PTPRE: variants seen among roughly 807,000 people sequenced by gnomAD.
PTPRE encodes the protein protein tyrosine phosphatase receptor type E.
A neutral mutation model predicts 102.0 loss-of-function variants in PTPRE; 51 were observed. The ratio of observed to expected loss-of-function variants is 0.50; its 90% CI spans 0.40 to 0.63. The LOEUF is 0.63. PTPRE is among the 30% of genes least tolerant of loss of function. PTPRE has a pLI of 0.00. For missense variants in PTPRE, 752 were observed against 915.1 expected, an observed-to-expected ratio of 0.82 and a Z score of 2.30; for synonymous variants, 345 against 348.2, an observed-to-expected ratio of 0.99 and a Z score of 0.10.
intron 6 of PTPRE, among the ~76,000 whole-genome samples, chr10:128,052,725 C>T (rs1848649339): frequency 2.0e-5 from 3 of 152,134 alleles, no homozygotes; most frequent in African/African-American, 4.8e-5. Context: ...TTATGTCAAG[C>T]CAAGTGCCTA....
chr10:128,066,321 A>G, intron 11 of PTPRE, 127 bp downstream of exon 11: 1 of 1,450,212 alleles, frequency 6.9e-7, no homozygotes, highest in East Asian at 2.3e-5. Context: ...GCCCTGGCTG[A>G]GAGGGTGCAG....
intron 1 of PTPRE, among the ~76,000 whole-genome samples, chr10:127,914,735 G>A (rs143746404): frequency 6.6e-6 from 1 of 152,318 alleles, no homozygotes; most frequent in African/African-American, 2.4e-5. Context: ...TCTAGACGTA[G>A]GAGAGAAAGC....
chr10:128,037,618 C>T (rs907286970), intron 2 of PTPRE, among the ~76,000 whole-genome samples: 2 of 152,170 alleles, frequency 1.3e-5, no homozygotes, highest in Non-Finnish European at 2.9e-5. Context: ...AATAAAAAGA[C>T]AGATTTATAA....
intron 3 of PTPRE, among the ~76,000 whole-genome samples, chr10:128,044,902 T>G (rs1847968818): frequency 6.6e-6 from 1 of 152,198 alleles, no homozygotes; most frequent in African/African-American, 2.4e-5. Flanking sequence ...AATCAGAAAA[T>G]GTTTACATAA....
chr10:128,063,055 T>A (rs749009785), intron 9 of PTPRE, 28 bp from the exon 10 acceptor site: 1 of 1,613,430 alleles, frequency 6.2e-7, no homozygotes, highest in Non-Finnish European at 8.5e-7. Flanking sequence ...TCATGCCTTT[T>A]GACTTCGAAA....
At position 128,079,698 on chromosome 10, in the gene PTPRE, A is replaced by G; in HGVS notation, c.2028+3A>G. The stretch of plus-strand genomic sequence containing the variant: ...GACCACATATGGTGCAAACCCTGGT[A>G]AGAATCTGAATAAGGATGTTACCAG... On this transcript the variant is annotated splice_donor_region_variant and intron_variant, in intron 20 of 20. Transcript: ENST00000254667. 6.2e-7 allele frequency: 1 copy of G among 1,610,686 alleles called. No homozygotes were observed. The highest frequency in any genetic ancestry group is 1.1e-5 in the South Asian group (1 of 90,882).
rs1038907309 is a variant in PTPRE, at chr10:128,028,332, G to A, written c.-7-12543G>A. ...CACTCCTGGCAGGCAGAAGGGACTC[G>A]GGTCACACACAGCCACACTCGGGGA... On this transcript the variant is annotated intron_variant, in intron 2 of 20. Transcript: ENST00000254667. The surrounding 1 kb of genome is among the most constrained non-coding windows in gnomAD (Gnocchi z 4.5). 2.0e-5 allele frequency among the ~76,000 whole-genome samples: 3 copies of A among 152,152 alleles called. No homozygotes were observed. The highest frequency in any genetic ancestry group is 1.3e-4 in the Admixed American group (2 of 15,292).
chr10:128,049,392 C>A, intron 5 of PTPRE, 138 bp from the exon 6 acceptor site: 1 of 1,115,584 alleles, frequency 9.0e-7, no homozygotes, highest in Non-Finnish European at 1.3e-6. Context: ...CCCGGCTTAG[C>A]CCAGCTATGC....
At chr10:127,940,311 G>C (rs1266178323) in intron 1 of PTPRE, among the ~76,000 whole-genome samples, 3 of 152,108 alleles carry the variant, frequency 2.0e-5, no homozygotes, top group Non-Finnish European at 1.5e-5. Flanking sequence ...CAATAATCCA[G>C]TCTGCCTAGC....
chr10:128,070,313 T>C lies in PTPRE; in HGVS notation c.1156T>C (p.Phe386Leu). The change falls in exon 14 of 21, where the codon TTC becomes CTC. Residue 386 changes from phenylalanine to leucine, a missense_variant. This residue lies in a region of PTPRE where 636 missense variants were observed against 824.4 expected (regional missense o/e 0.77). Coordinates refer to ENST00000254667, the MANE Select transcript of PTPRE (RefSeq NM_006504.6). This position sits in a 1 kb window ranked among gnomAD's most constrained non-coding sequence, Gnocchi z 4.8. ...QMVQTDMQYTFIYQALLEYYL... is the reference protein window; with the variant it reads ...QMVQTDMQYTLIYQALLEYYL... ...GGCCTCTCTGCAGATGCAGTACACG[T>C]TCATCTACCAAGCCTTACTCGAGTA... is the stretch of plus-strand genomic sequence containing the variant. 6.2e-7 allele frequency: 1 copy of C among 1,611,612 alleles called. No individual in the cohort carries two copies. The highest frequency in any genetic ancestry group is 1.1e-5 in the South Asian group (1 of 90,452).
intron 2 of PTPRE, among the ~76,000 whole-genome samples, chr10:128,031,835 G>A (rs746532760): frequency 8.5e-5 from 13 of 152,118 alleles, no homozygotes; most frequent in Non-Finnish European, 1.8e-4. Context: ...AGGGGTCAGA[G>A]ATCTAAATCT....
chr10:128,051,672 T>C (rs1848576947), intron 6 of PTPRE, among the ~76,000 whole-genome samples: 1 of 152,274 alleles, frequency 6.6e-6, no homozygotes, highest in South Asian at 2.1e-4. Context: ...CATTAAATTT[T>C]GCACCCAGAG....
chr10:128,077,927 ATG>A, intron 19 of PTPRE, 144 bp downstream of exon 19: 2 of 853,398 alleles, frequency 2.3e-6, no homozygotes, highest in Non-Finnish European at 3.5e-6. Flanking sequence ...CCTTACACAC[ATG>A]CACACACGAC....
At chr10:127,955,257 A>T (rs1849313436) in intron 1 of PTPRE, among the ~76,000 whole-genome samples, 1 of 152,034 alleles carries the variant, frequency 6.6e-6, no homozygotes, top group Non-Finnish European at 1.5e-5. Context: ...AACCATGACT[A>T]TCATATGATG....
chr10:127,982,071 A>G (rs2135465464), intron 1 of PTPRE, among the ~76,000 whole-genome samples: 1 of 152,266 alleles, frequency 6.6e-6, no homozygotes, highest in African/African-American at 2.4e-5. Context: ...AGGTTGTATT[A>G]AAGTGTGGGG....
chr10:128,034,325 A>ACCCCCCCCCCC (rs58597055), intron 2 of PTPRE, among the ~76,000 whole-genome samples: 6 of 147,056 alleles, frequency 4.1e-5, no homozygotes, highest in African/African-American at 1.5e-4. Flanking sequence ...CCTCCACACC[A>ACCCCCCCCCCC]CCCCCCCCAC....
At chr10:127,978,878 A>G (rs1851394426) in intron 1 of PTPRE, among the ~76,000 whole-genome samples, 1 of 151,964 alleles carries the variant, frequency 6.6e-6, no homozygotes, top group African/African-American at 2.4e-5. Flanking sequence ...AAAATTAGCC[A>G]GGTGTGGTGG....
At chr10:127,980,005 G>A (rs145719658) in intron 1 of PTPRE, among the ~76,000 whole-genome samples, 1 of 152,236 alleles carries the variant, frequency 6.6e-6, no homozygotes, top group African/African-American at 2.4e-5. Flanking sequence ...CAAACATCAC[G>A]AGTCACTCTT....
chr10:128,052,480 G>T (rs963797104), intron 6 of PTPRE, among the ~76,000 whole-genome samples: 2 of 152,156 alleles, frequency 1.3e-5, no homozygotes, highest in African/African-American at 4.8e-5. Flanking sequence ...ATGAAATGAG[G>T]ATACTCCCTG....
Sources: gnomAD v4.1 joint callset for allele counts (sites outside exome capture counted in the v4.1 genomes callset) on GRCh38, gnomAD v4.1.1 for gene constraint, gnomAD v4.1.1 regional missense constraint, Gnocchi (gnomAD v3.1) non-coding constraint, MANE v1.5 for transcripts, NCBI Gene and HGNC (gene_info 2026-07-23, HGNC 2026-07-21) for gene names.